The following OSBPL9 variants were observed in gnomAD, a reference collection of about 807,000 sequenced individuals.
The protein encoded by OSBPL9 is oxysterol-binding protein-related protein 9.
In OSBPL9, 40 loss-of-function variants were observed where a neutral mutation model predicts 106.6. The observed-to-expected ratio is 0.38, with a 90% CI of 0.29 to 0.49. The LOEUF (loss-of-function observed/expected upper bound fraction) is 0.49, where lower values mean the gene tolerates loss of function less well. Among genes scored for constraint, OSBPL9 ranks in the 20% least tolerant of loss-of-function variants. The pLI is 0.97. For missense variants in OSBPL9, 609 were observed against 887.2 expected (o/e 0.69, Z 3.98); for synonymous variants, 269 against 295.4 (o/e 0.91, Z 0.92).
At chr1:51,681,017 CA>C (rs1428184591) in intron 3 of OSBPL9, among the ~76,000 whole-genome samples, 1 of 151,990 alleles carries the variant, frequency 6.6e-6, no homozygotes, top group Non-Finnish European at 1.5e-5. Flanking sequence ...CTCCTTTGAC[CA>C]TTTTTTTGTT....
the OSBPL9 span, among the ~76,000 whole-genome samples, chr1:51,522,144 G>A: frequency 6.6e-6 from 1 of 152,074 alleles, no homozygotes; most frequent in Non-Finnish European, 1.5e-5. Context: ...ATATATAATT[G>A]TTATTTGGAT....
At chr1:51,551,730 G>A in the OSBPL9 span, among the ~76,000 whole-genome samples, 1 of 151,698 alleles carries the variant, frequency 6.6e-6, no homozygotes, top group South Asian at 2.1e-4. Flanking sequence ...GGGACTACAG[G>A]CACATGCCAC....
intron 3 of OSBPL9, among the ~76,000 whole-genome samples, chr1:51,681,709 G>T (rs554836907): frequency 1.3e-5 from 2 of 152,124 alleles, no homozygotes; most frequent in Non-Finnish European, 2.9e-5. Flanking sequence ...TGGGGAATTG[G>T]TTCCAGGACC....
chr1:51,776,753 T>G, intron 14 of OSBPL9, 80 bp from the exon 15 acceptor site: 1 of 985,504 alleles, frequency 1.0e-6, no homozygotes, highest in Non-Finnish European at 1.6e-6. Flanking sequence ...GTGTTTTGTT[T>G]TGTTTTCTTT....
At chr1:51,738,957 A>G (rs927374342) in intron 4 of OSBPL9, among the ~76,000 whole-genome samples, 1 of 151,972 alleles carries the variant, frequency 6.6e-6, no homozygotes, top group African/African-American at 2.4e-5. Flanking sequence ...TTACTCATTT[A>G]ATCTCTCCAG....
chr1:51,593,943 C>CACACAT (rs1553148790), intron 1 of OSBPL9, among the ~76,000 whole-genome samples: 1 of 150,234 alleles, frequency 6.7e-6, no homozygotes. Context: ...CACACACACA[C>CACACAT]GAAGAGCATC....
At chr1:51,534,608 C>T in the OSBPL9 span, among the ~76,000 whole-genome samples, 1 of 152,154 alleles carries the variant, frequency 6.6e-6, no homozygotes, top group African/African-American at 2.4e-5. Context: ...CAGTCAGATC[C>T]TCCCAGGGAG....
chr1:51,708,735 G>C (rs565783667), intron 3 of OSBPL9, among the ~76,000 whole-genome samples: 7 of 151,754 alleles, frequency 4.6e-5, no homozygotes, highest in African/African-American at 1.7e-4. Flanking sequence ...TCAATTTTTG[G>C]ATTATCTTTA....
chr1:51,754,745 CA>C (rs1381693364), intron 8 of OSBPL9, among the ~76,000 whole-genome samples: 1 of 152,190 alleles, frequency 6.6e-6, no homozygotes, highest in African/African-American at 2.4e-5. Flanking sequence ...AACATGTAAT[CA>C]GTATAAAAAT....
chr1:51,676,288 A>C (rs994989422), intron 3 of OSBPL9, among the ~76,000 whole-genome samples: 4 of 151,958 alleles, frequency 2.6e-5, no homozygotes, highest in African/African-American at 9.7e-5. Context: ...AAAATTAGCC[A>C]GGGATGGTGG....
chr1:51,561,220 GAGTA>G, the OSBPL9 span, among the ~76,000 whole-genome samples: 15 of 152,330 alleles, frequency 9.8e-5, no homozygotes, highest in African/African-American at 3.4e-4. Context: ...ATGGGTGACA[GAGTA>G]AGTGAGACTC....
At chr1:51,546,177 G>A in the OSBPL9 span, among the ~76,000 whole-genome samples, 8 of 151,852 alleles carry the variant, frequency 5.3e-5, no homozygotes, top group African/African-American at 1.5e-4. Context: ...CACCATGCTC[G>A]GCTAATTTGT....
chr1:51,714,985 C>T (rs1660766150), intron 4 of OSBPL9, among the ~76,000 whole-genome samples: 1 of 152,194 alleles, frequency 6.6e-6, no homozygotes, highest in African/African-American at 2.4e-5. Flanking sequence ...CCGTACTACA[C>T]TGAAGATATT....
At chr1:51,658,285 T>C (rs1646937962) in intron 2 of OSBPL9, among the ~76,000 whole-genome samples, 1 of 152,132 alleles carries the variant, frequency 6.6e-6, no homozygotes, top group African/African-American at 2.4e-5. Flanking sequence ...ACTCATAGTG[T>C]TGTGAGTACC....
At chr1:51,571,122 C>T in the OSBPL9 span, among the ~76,000 whole-genome samples, 1 of 152,192 alleles carries the variant, frequency 6.6e-6, no homozygotes, top group Non-Finnish European at 1.5e-5. Context: ...TCCTGGGTCA[C>T]ACTATGTTGA....
At chr1:51,580,948 A>G (rs1177854221) in intron 1 of OSBPL9, among the ~76,000 whole-genome samples, 3 of 1,202 alleles carry the variant, frequency 2.5e-3, no homozygotes, top group Non-Finnish European at 4.8e-3. Flanking sequence ...ATATATATAT[A>G]TATATAACTT....
At chr1:51,655,626 A>T (rs1415034833) in intron 2 of OSBPL9, among the ~76,000 whole-genome samples, 2 of 152,144 alleles carry the variant, frequency 1.3e-5, no homozygotes, top group Non-Finnish European at 2.9e-5. Flanking sequence ...AGGGGAGGAG[A>T]TTATACAGGG....
chr1:51,768,003 G>T (rs542457653), intron 12 of OSBPL9, among the ~76,000 whole-genome samples: 1 of 133,608 alleles, frequency 7.5e-6, no homozygotes, highest in Admixed American at 8.5e-5. Flanking sequence ...GTGCAGTGGC[G>T]CCATCTTGGC....
chr1:51,734,836 C>G (rs1360718310), intron 4 of OSBPL9, among the ~76,000 whole-genome samples: 1 of 152,134 alleles, frequency 6.6e-6, no homozygotes, highest in Non-Finnish European at 1.5e-5. Flanking sequence ...CTTTCCCCCC[C>G]AAACCCTAGT....
Sources: allele counts gnomAD v4.1 joint callset (sites outside exome capture counted in the v4.1 genomes callset), GRCh38; gene constraint gnomAD v4.1.1; transcripts MANE v1.5; gene names NCBI Gene and HGNC (gene_info 2026-07-23, HGNC 2026-07-21).